Variants in RIPOR2 observed in about 807,000 individuals in gnomAD.
RIPOR2 encodes rho family-interacting cell polarization regulator 2.
In RIPOR2, 39 loss-of-function variants were observed where a neutral mutation model predicts 114.5. The observed-to-expected ratio is 0.34, with a 90% CI of 0.26 to 0.44. The LOEUF (loss-of-function observed/expected upper bound fraction) is 0.44. Among genes scored for constraint, RIPOR2 ranks in the 20% least tolerant of loss-of-function variants. RIPOR2 has a pLI of 1.00. For synonymous variants in RIPOR2, 445 were observed against 484.4 expected, an observed-to-expected ratio of 0.92 and a Z score of 1.07; for missense variants, 1,007 against 1,255.1, an observed-to-expected ratio of 0.80 and a Z score of 2.99.
intron 1 of RIPOR2, among the ~76,000 whole-genome samples, chr6:25,026,680 T>A (rs1776641651): frequency 6.6e-6 from 1 of 152,230 alleles, no homozygotes; most frequent in South Asian, 2.1e-4. Flanking sequence ...AGTCCTGCAA[T>A]TTCTTTGAAT....
At chr6:24,881,855 G>C (rs559369074) in intron 1 of RIPOR2, among the ~76,000 whole-genome samples, 1 of 152,274 alleles carries the variant, frequency 6.6e-6, no homozygotes, top group South Asian at 2.1e-4. Flanking sequence ...ATAGAAGGGG[G>C]CTGAAGCAGA....
intron 1 of RIPOR2, among the ~76,000 whole-genome samples, chr6:25,031,737 ATATATATATAT>A (rs1561855849): frequency 1.0e-4 from 11 of 107,448 alleles, no homozygotes; most frequent in African/African-American, 1.6e-4. Context: ...ATATATATAT[ATATATATATAT>A]ATAAAATATC....
chr6:24,950,532 C>T (rs546275959), intron 1 of RIPOR2, among the ~76,000 whole-genome samples: 2 of 152,246 alleles, frequency 1.3e-5, no homozygotes, highest in Admixed American at 6.5e-5. Context: ...GTTTTCCTTA[C>T]GAAGTAAAAG....
At position 24,806,274 on chromosome 6, in the gene RIPOR2, G is replaced by A. The variant is rs574364397; in HGVS notation, c.*99C>T. ...GGCCTACATTTTTATTTCAGTTGTCGTGTCTCTCAGGCTCTAAACAATTTC... is the reference window on the plus strand; with the variant it reads ...GGCCTACATTTTTATTTCAGTTGTCATGTCTCTCAGGCTCTAAACAATTTC... On this transcript the variant is annotated 3_prime_UTR_variant, in exon 22 of 22. Coordinates refer to ENST00000643898, the MANE Select transcript of RIPOR2 (RefSeq NM_001286445.3). 25 of 818,050 alleles carry A rather than the reference G, an allele frequency of 3.1e-5. No individual in the cohort carries two copies. Among genetic ancestry groups the A allele is most frequent in the Middle Eastern group, 2.2e-4 (1 of 4,500 alleles). 50.7% of individuals were successfully genotyped at this position (818,050 alleles called of 1,614,324 possible). A position where few individuals can be genotyped will look rare whatever the true frequency, so the allele number is the denominator to read the frequency against.
intron 1 of RIPOR2, among the ~76,000 whole-genome samples, chr6:25,005,738 T>TATATATATATATATACATATACATAC (rs34572978): frequency 1.4e-5 from 1 of 70,700 alleles, no homozygotes; most frequent in Non-Finnish European, 3.3e-5. Context: ...TATATATATA[T>TATATATATATATATACATATACATAC]ATACATTTAC....
At chr6:24,941,748 T>C (rs1349288966) in intron 1 of RIPOR2, among the ~76,000 whole-genome samples, 1 of 152,192 alleles carries the variant, frequency 6.6e-6, no homozygotes, top group Non-Finnish European at 1.5e-5. Flanking sequence ...CAACATTAAC[T>C]GAGATGGGAA....
intron 7 of RIPOR2, 30 bp from the exon 8 acceptor site, chr6:24,861,066 A>G: frequency 6.5e-7 from 1 of 1,543,306 alleles, no homozygotes; most frequent in Non-Finnish European, 8.9e-7. Context: ...CGATCATGAG[A>G]GCTAGCCTTT....
intron 1 of RIPOR2, among the ~76,000 whole-genome samples, chr6:24,897,312 T>C (rs1767978597): frequency 6.6e-6 from 1 of 152,226 alleles, no homozygotes; most frequent in Non-Finnish European, 1.5e-5. Flanking sequence ...GATGAGTTTA[T>C]TGTTTGAGTC....
chr6:24,856,479 G>T lies in RIPOR2; in HGVS notation c.716-3861C>A, dbSNP rs187380121. Among the ~76,000 whole-genome samples the T allele has an allele frequency of 3.3e-4, 50 of 152,278 alleles. No homozygotes were observed. In the East Asian group the frequency reaches 8.7e-3, roughly 26 times the overall value. Reference sequence around the variant, plus strand: ...TTAAAAACCTCTGCAAATTGGTCAGGCACGGTGGCTCACACCTGTAATCCC... The same window carrying T: ...TTAAAAACCTCTGCAAATTGGTCAGTCACGGTGGCTCACACCTGTAATCCC... On this transcript the variant is annotated intron_variant, in intron 8 of 21. Coordinates refer to ENST00000643898, the MANE Select transcript of RIPOR2 (RefSeq NM_001286445.3).
chr6:25,040,317 T>C (rs901347811), intron 1 of RIPOR2, among the ~76,000 whole-genome samples: 3 of 151,942 alleles, frequency 2.0e-5, no homozygotes, highest in South Asian at 2.1e-4. Context: ...GGTTTTACCA[T>C]GTTGGCCAGG....
chr6:24,885,381 C>T (rs1239411297), intron 1 of RIPOR2, among the ~76,000 whole-genome samples: 1 of 151,812 alleles, frequency 6.6e-6, no homozygotes, highest in Non-Finnish European at 1.5e-5. Flanking sequence ...TGCCTCCACA[C>T]CCAGCTAATC....
At chr6:24,972,037 T>C (rs1773809730) in intron 1 of RIPOR2, among the ~76,000 whole-genome samples, 1 of 152,190 alleles carries the variant, frequency 6.6e-6, no homozygotes, top group Non-Finnish European at 1.5e-5. Context: ...GGAGTTTATG[T>C]TGCCACTGTG....
intron 1 of RIPOR2, among the ~76,000 whole-genome samples, chr6:24,993,326 T>G (rs1774914259): frequency 6.6e-6 from 1 of 152,256 alleles, no homozygotes; most frequent in Non-Finnish European, 1.5e-5. Context: ...CCTTTACCAT[T>G]ATGTAATGCC....
At chr6:24,848,607 C>T (rs1440328326) in intron 11 of RIPOR2, among the ~76,000 whole-genome samples, 3 of 152,176 alleles carry the variant, frequency 2.0e-5, no homozygotes, top group Non-Finnish European at 2.9e-5. Flanking sequence ...TCAGTTGACA[C>T]AGAGCCTCTT....
At chr6:25,027,154 A>G (rs1230238694) in intron 1 of RIPOR2, among the ~76,000 whole-genome samples, 4 of 152,280 alleles carry the variant, frequency 2.6e-5, no homozygotes, top group African/African-American at 7.2e-5. Flanking sequence ...ATAATAAAAA[A>G]TAATTTAGGT....
intron 1 of RIPOR2, among the ~76,000 whole-genome samples, chr6:24,998,928 G>C (rs1489407301): frequency 6.6e-6 from 1 of 151,828 alleles, no homozygotes; most frequent in Non-Finnish European, 1.5e-5. Context: ...ACAAACTATA[G>C]GAACATTTTT....
At chr6:25,001,793 G>A (rs546918528) in intron 1 of RIPOR2, among the ~76,000 whole-genome samples, 52 of 149,242 alleles carry the variant, frequency 3.5e-4, no homozygotes, top group Non-Finnish European at 5.7e-4. Flanking sequence ...TCCGCCTCCC[G>A]GGTTTAAGTG....
chr6:24,974,138 C>A (rs572213396), intron 1 of RIPOR2, among the ~76,000 whole-genome samples: 1 of 152,284 alleles, frequency 6.6e-6, no homozygotes, highest in South Asian at 2.1e-4. Flanking sequence ...AATCCCAGCA[C>A]TTTGGGAGGC....
intron 1 of RIPOR2, among the ~76,000 whole-genome samples, chr6:25,000,790 C>T (rs1194645693): frequency 6.6e-6 from 1 of 152,142 alleles, no homozygotes; most frequent in African/African-American, 2.4e-5. Flanking sequence ...TTTTGTTGTT[C>T]CCCAGCATGC....
Sources: allele counts gnomAD v4.1 joint callset (sites outside exome capture counted in the v4.1 genomes callset), GRCh38; gene constraint gnomAD v4.1.1; transcripts MANE v1.5; gene names NCBI Gene and HGNC (gene_info 2026-07-23, HGNC 2026-07-21).